Variants in DPYD observed in about 807,000 individuals in gnomAD.
The protein encoded by DPYD is dihydropyrimidine dehydrogenase [NADP(+)].
DPYD carries 109 observed loss-of-function variants against 116.2 expected under a neutral mutation model. That is an observed-to-expected ratio of 0.94 (90% CI 0.80 to 1.10). The LOEUF (loss-of-function observed/expected upper bound fraction) is 1.10. DPYD is among the 50% of genes least tolerant of loss of function. The pLI is 0.00. For synonymous variants in DPYD, 440 were observed against 432.0 expected, an observed-to-expected ratio of 1.02 and a Z score of -0.23; for missense variants, 1,302 against 1,254.5, an observed-to-expected ratio of 1.04 and a Z score of -0.57.
At chr1:97,272,997 A>C (rs1011136454) in intron 18 of DPYD, among the ~76,000 whole-genome samples, 5 of 152,090 alleles carry the variant, frequency 3.3e-5, no homozygotes, top group African/African-American at 1.2e-4. Context: ...AATGTACAAA[A>C]CTTTCAACCC....
Position 97,193,137 on chromosome 1 carries a change from G to A in DPYD, c.2554C>T (p.Gln852Ter), listed in dbSNP as rs1057517271. The A allele has an allele frequency of 6.2e-7, 1 of 1,614,020 alleles. No homozygotes were observed. The highest frequency in any genetic ancestry group is 1.7e-5 in the Admixed American group (1 of 60,006). ...TGGTGACTCACAGTAGCTGGACTCT[G>A]TCCATCCCAGTCTTGTAGTTCTTCA... The part of the protein sequence containing the change: ...SIEELQDWDG[Q>*]SPATVSHQKG... The change falls in exon 20 of 23, where the codon CAG becomes TAG. Residue 852 changes from glutamine (Q) to a stop codon, truncating the protein, a stop_gained. Transcript: ENST00000370192. LOFTEE classifies it high-confidence loss of function.
intron 16 of DPYD, among the ~76,000 whole-genome samples, chr1:97,342,993 A>G (rs1338963873): frequency 6.6e-6 from 1 of 152,072 alleles, no homozygotes; most frequent in Non-Finnish European, 1.5e-5. Flanking sequence ...ATTTCAGGAG[A>G]GGAAAAAAAA....
intron 19 of DPYD, among the ~76,000 whole-genome samples, chr1:97,212,448 T>C (rs1660097380): frequency 6.6e-6 from 1 of 152,154 alleles, no homozygotes; most frequent in South Asian, 2.1e-4. Flanking sequence ...TACCACCACA[T>C]TTTGTTTACC....
chr1:97,452,383 T>C (rs991988481), intron 13 of DPYD, among the ~76,000 whole-genome samples: 5 of 152,128 alleles, frequency 3.3e-5, no homozygotes, highest in Non-Finnish European at 1.5e-5. Flanking sequence ...TGGCCTTTAG[T>C]GGTGCTAAAA....
chr1:97,548,925 G>C (rs1570941225), intron 12 of DPYD, among the ~76,000 whole-genome samples: 1 of 151,992 alleles, frequency 6.6e-6, no homozygotes, highest in East Asian at 1.9e-4. Flanking sequence ...GTAGATTCTA[G>C]TATATGTCCT....
Position 97,610,857 on chromosome 1 carries a change from T to C in DPYD, c.851-15691A>G, listed in dbSNP as rs1247061864. ...TACAAAATACATATATCCAAGTACA[T>C]TGATACATCTGGGGAGCTTTAAAAT... On this transcript the variant is annotated intron_variant, in intron 8 of 22. Coordinates refer to ENST00000370192, the MANE Select transcript of DPYD (RefSeq NM_000110.4). Among the ~76,000 whole-genome samples the C allele has an allele frequency of 3.9e-5, 6 of 151,994 alleles. No homozygotes were observed. In the East Asian group the frequency reaches 5.8e-4, roughly 15 times the overall value.
intron 4 of DPYD, among the ~76,000 whole-genome samples, chr1:97,722,363 A>G (rs1662972325): frequency 6.6e-6 from 1 of 151,572 alleles, no homozygotes; most frequent in Non-Finnish European, 1.5e-5. Flanking sequence ...CAGAAAAAAA[A>G]GTAAAAATTA....
At chr1:97,754,447 A>G (rs759663773) in intron 3 of DPYD, among the ~76,000 whole-genome samples, 1 of 152,370 alleles carries the variant, frequency 6.6e-6, no homozygotes, top group East Asian at 1.9e-4. Context: ...AATGAAATGC[A>G]TAAGAGCACT....
At position 97,188,651 on chromosome 1, in the gene DPYD, G is replaced by A. The variant is rs115232121; in HGVS notation, c.2622+4418C>T. The stretch of plus-strand genomic sequence containing the variant: ...TTTGACTTTCTTGGAGGCCAAGGAA[G>A]AGGGTCATAGACAGACTCACAAAAG... On this transcript the variant is annotated intron_variant, in intron 20 of 22. Coordinates refer to ENST00000370192, the MANE Select transcript of DPYD (RefSeq NM_000110.4). Among the ~76,000 whole-genome samples, 955 of 152,320 alleles carry A rather than the reference G, an allele frequency of 6.3e-3. 1 individual carries two copies. The highest frequency in any genetic ancestry group is 0.01 in the Non-Finnish European group (706 of 68,026).
intron 2 of DPYD, among the ~76,000 whole-genome samples, chr1:97,831,019 G>T (rs141945755): frequency 6.6e-6 from 1 of 152,170 alleles, no homozygotes; most frequent in Non-Finnish European, 1.5e-5. Flanking sequence ...CTTTGTGTCT[G>T]CATGAAGTTT....
At chr1:97,477,734 C>T (rs1299688661) in intron 13 of DPYD, among the ~76,000 whole-genome samples, 2 of 151,460 alleles carry the variant, frequency 1.3e-5, no homozygotes, top group African/African-American at 2.4e-5. Flanking sequence ...CATTCTCCTG[C>T]CTCAGCCTCC....
chr1:97,467,015 C>T (rs957191319), intron 13 of DPYD, among the ~76,000 whole-genome samples: 6 of 152,114 alleles, frequency 3.9e-5, no homozygotes, highest in African/African-American at 7.2e-5. Context: ...ATTCCAGGCA[C>T]CTAGCTAGCC....
intron 12 of DPYD, among the ~76,000 whole-genome samples, chr1:97,516,541 C>T (rs1025049451): frequency 4.6e-5 from 7 of 151,886 alleles, no homozygotes; most frequent in African/African-American, 9.7e-5. Context: ...TCATGCATTA[C>T]GGGGGTTTGT....
At chr1:97,572,532 T>C (rs1388961341) in intron 11 of DPYD, among the ~76,000 whole-genome samples, 1 of 152,076 alleles carries the variant, frequency 6.6e-6, no homozygotes, top group South Asian at 2.1e-4. Context: ...TGATTCAACA[T>C]TTTACTCAAT....
At chr1:97,338,404 G>T (rs1669411254) in intron 16 of DPYD, among the ~76,000 whole-genome samples, 1 of 152,082 alleles carries the variant, frequency 6.6e-6, no homozygotes, top group African/African-American at 2.4e-5. Flanking sequence ...TCTTGGGGAA[G>T]GGAGAAGAAC....
chr1:97,335,222 T>C (rs568255170), intron 16 of DPYD, among the ~76,000 whole-genome samples: 1 of 151,692 alleles, frequency 6.6e-6, no homozygotes, highest in African/African-American at 2.4e-5. Context: ...GTTTATCTAA[T>C]CAAACTAAGC....
chr1:97,635,723 ACATTCT>A lies in DPYD; in HGVS notation c.851-40563_851-40558del, dbSNP rs139656974. On this transcript the variant is annotated intron_variant, in intron 8 of 22. Coordinates refer to ENST00000370192, the MANE Select transcript of DPYD (RefSeq NM_000110.4). ...AAACAATTTAAAAGGAAAGATACTG[ACATTCT>A]CATTAACTCAACTCATTATGTCTAA... Among the ~76,000 whole-genome samples, 1,251 of 152,294 alleles carry A rather than the reference ACATTCT, an allele frequency of 8.2e-3. 15 individuals are homozygous for A. The highest frequency in any genetic ancestry group is 0.029 in the African/African-American group (1,210 of 41,580).
At chr1:97,809,665 C>G (rs1668252704) in intron 3 of DPYD, among the ~76,000 whole-genome samples, 1 of 152,110 alleles carries the variant, frequency 6.6e-6, no homozygotes, top group Non-Finnish European at 1.5e-5. Flanking sequence ...TGCAGGATAG[C>G]TGAGGTACCA....
At chr1:97,598,285 T>C (rs973183927) in intron 8 of DPYD, among the ~76,000 whole-genome samples, 4 of 152,198 alleles carry the variant, frequency 2.6e-5, no homozygotes, top group African/African-American at 4.8e-5. Flanking sequence ...AAGACTTCTC[T>C]GAGAGTAGGT....
Sources: allele counts gnomAD v4.1 joint callset (sites outside exome capture counted in the v4.1 genomes callset), GRCh38; gene constraint gnomAD v4.1.1; transcripts MANE v1.5; gene names NCBI Gene and HGNC (gene_info 2026-07-23, HGNC 2026-07-21).